The following REDIC1 variants were observed in gnomAD, a reference collection of about 807,000 sequenced individuals.
REDIC1 encodes the protein HEI10 Interacting Protein 1.
chr12:39,740,043 C>A, the REDIC1 span, among the ~76,000 whole-genome samples: 2 of 152,202 alleles, frequency 1.3e-5, no homozygotes, highest in African/African-American at 4.8e-5. Flanking sequence ...GCCAACATGG[C>A]AGCTGATGTC....
chr12:39,784,989 G>C, the REDIC1 span, among the ~76,000 whole-genome samples: 1 of 152,120 alleles, frequency 6.6e-6, no homozygotes, highest in Non-Finnish European at 1.5e-5. Flanking sequence ...GTTTTAAAAG[G>C]GAAACAGAAC....
chr12:39,708,811 T>A, the REDIC1 span, among the ~76,000 whole-genome samples: 1 of 151,878 alleles, frequency 6.6e-6, no homozygotes, highest in Non-Finnish European at 1.5e-5. Flanking sequence ...ATTATATGCC[T>A]CTTTGCACTT....
At chr12:39,826,655 T>C in the REDIC1 span, among the ~76,000 whole-genome samples, 1 of 151,348 alleles carries the variant, frequency 6.6e-6, no homozygotes, top group African/African-American at 2.4e-5. Flanking sequence ...GGCTTTTTTC[T>C]AAAAGTTCTC....
chr12:39,646,213 T>A, the REDIC1 span: 5 of 330,850 alleles, frequency 1.5e-5, no homozygotes, highest in East Asian at 2.2e-4. Flanking sequence ...AGAATGTAAA[T>A]GTTTTAGTAA....
the REDIC1 span, chr12:39,871,711 G>A: frequency 8.0e-7 from 1 of 1,247,130 alleles, no homozygotes; most frequent in Non-Finnish European, 1.1e-6. Flanking sequence ...AATATTAGAA[G>A]TGGTGTAAGT....
the REDIC1 span, among the ~76,000 whole-genome samples, chr12:39,685,892 C>T: frequency 2.2e-4 from 34 of 152,250 alleles, no homozygotes; most frequent in Non-Finnish European, 7.3e-5. Flanking sequence ...AAAGGGGCTA[C>T]AGGCCCCATG....
At chr12:39,684,074 A>G in the REDIC1 span, 15 of 886,496 alleles carry the variant, frequency 1.7e-5, 1 homozygote, top group South Asian at 7.6e-4. Context: ...CTACCCATAC[A>G]TTGAAAACAA....
the REDIC1 span, among the ~76,000 whole-genome samples, chr12:39,858,383 G>A: frequency 2.0e-5 from 3 of 151,880 alleles, no homozygotes; most frequent in African/African-American, 7.3e-5. Flanking sequence ...TAACCTCATG[G>A]TATATTAGCT....
the REDIC1 span, among the ~76,000 whole-genome samples, chr12:39,654,215 GT>G: frequency 4.0e-5 from 6 of 150,624 alleles, no homozygotes; most frequent in Non-Finnish European, 7.4e-5. Flanking sequence ...TTATGATGTT[GT>G]TTTTTTTTCC....
chr12:39,891,192 T>A, the REDIC1 span, among the ~76,000 whole-genome samples: 2 of 150,338 alleles, frequency 1.3e-5, no homozygotes, highest in African/African-American at 4.9e-5. Flanking sequence ...TCACCAGCTC[T>A]GCCCCAGTCT....
At chr12:39,725,766 G>A in the REDIC1 span, among the ~76,000 whole-genome samples, 701 of 151,296 alleles carry the variant, frequency 4.6e-3, 3 homozygotes, top group African/African-American at 0.016. Context: ...AATAACCTAT[G>A]TATAATTATA....
the REDIC1 span, among the ~76,000 whole-genome samples, chr12:39,831,310 T>C: frequency 9.9e-5 from 15 of 152,244 alleles, 1 homozygote; most frequent in Non-Finnish European, 1.8e-4. Context: ...AAAATAAATT[T>C]ACCAGGCCAA....
At chr12:39,702,320 A>T in the REDIC1 span, among the ~76,000 whole-genome samples, 2 of 152,240 alleles carry the variant, frequency 1.3e-5, no homozygotes, top group Admixed American at 1.3e-4. Flanking sequence ...ACCCAAGTAA[A>T]CTAGAAAATC....
At chr12:39,694,012 T>G in the REDIC1 span, among the ~76,000 whole-genome samples, 1 of 152,208 alleles carries the variant, frequency 6.6e-6, no homozygotes, top group Non-Finnish European at 1.5e-5. Context: ...GACGGATAGA[T>G]AGAAGTTTTA....
At chr12:39,712,701 ATATATGTATATAGACGTATAC>A in the REDIC1 span, among the ~76,000 whole-genome samples, 21 of 4,214 alleles carry the variant, frequency 5.0e-3, no homozygotes, top group African/African-American at 0.033. Context: ...GTATACGTGT[ATATATGTATATAGACGTATAC>A]GTGTATATAT....
At chr12:39,713,462 G>T in the REDIC1 span, among the ~76,000 whole-genome samples, 2 of 147,122 alleles carry the variant, frequency 1.4e-5, no homozygotes, top group African/African-American at 5.0e-5. Context: ...ACATACATTT[G>T]TATATATACA....
chr12:39,846,216 G>C, the REDIC1 span, among the ~76,000 whole-genome samples: 1 of 152,158 alleles, frequency 6.6e-6, no homozygotes, highest in Non-Finnish European at 1.5e-5. Context: ...ATACTTTAAA[G>C]TATATCAACA....
chr12:39,702,828 A>G, the REDIC1 span, among the ~76,000 whole-genome samples: 3 of 152,242 alleles, frequency 2.0e-5, no homozygotes, highest in Non-Finnish European at 4.4e-5. Context: ...AACCAAAGAC[A>G]AAAACCACAT....
the REDIC1 span, among the ~76,000 whole-genome samples, chr12:39,745,043 A>G: frequency 6.6e-6 from 1 of 152,212 alleles, no homozygotes; most frequent in Non-Finnish European, 1.5e-5. Flanking sequence ...AGCTATATTA[A>G]TTTCAGACAG....
Sources: allele counts gnomAD v4.1 joint callset (sites outside exome capture counted in the v4.1 genomes callset), GRCh38; gene constraint gnomAD v4.1.1; transcripts MANE v1.5; gene names NCBI Gene and HGNC (gene_info 2026-07-23, HGNC 2026-07-21).